Variants in ZPBP observed in about 807,000 individuals in gnomAD.
ZPBP encodes zona pellucida binding protein.
In ZPBP, 26 loss-of-function variants were observed where a neutral mutation model predicts 44.8. The observed-to-expected ratio is 0.58, with a 90% CI of 0.43 to 0.81. The LOEUF (loss-of-function observed/expected upper bound fraction) is 0.81. Ranked by LOEUF, ZPBP falls within the 30% of genes least tolerant of loss-of-function variation. The pLI, the probability that ZPBP is intolerant of heterozygous loss-of-function variation, is 0.00. For missense variants in ZPBP, 409 were observed against 434.0 expected, an observed-to-expected ratio of 0.94 and a Z score of 0.51; for synonymous variants, 174 against 153.2, an observed-to-expected ratio of 1.14 and a Z score of -1.00.
intron 3 of ZPBP, among the ~76,000 whole-genome samples, chr7:50,067,236 T>G (rs1344380847): frequency 2.0e-5 from 3 of 152,204 alleles, no homozygotes; most frequent in Non-Finnish European, 4.4e-5. Flanking sequence ...TGCTTTTTGG[T>G]GCCCCTTGCA....
chr7:49,860,268 C>G (rs1258266325), intron 2 of ZPBP, among the ~76,000 whole-genome samples: 1 of 152,196 alleles, frequency 6.6e-6, no homozygotes, highest in African/African-American at 2.4e-5. Flanking sequence ...CTGTCTACGT[C>G]AGGCTCATGG....
At chr7:49,984,434 A>C (rs763000832) in intron 6 of ZPBP, among the ~76,000 whole-genome samples, 1 of 152,226 alleles carries the variant, frequency 6.6e-6, no homozygotes, top group South Asian at 2.1e-4. Flanking sequence ...AGTGGTTCAT[A>C]ACCTTTTTGG....
chr7:50,057,854 T>C (rs762146133), intron 4 of ZPBP, 135 bp downstream of exon 4: 16 of 782,346 alleles, frequency 2.0e-5, no homozygotes, highest in Non-Finnish European at 3.2e-5. Context: ...AGTACTTACA[T>C]AGGGAGGCAG....
chr7:49,995,984 C>T (rs994232700), intron 6 of ZPBP, among the ~76,000 whole-genome samples: 7 of 152,228 alleles, frequency 4.6e-5, no homozygotes, highest in Admixed American at 2.6e-4. Flanking sequence ...TAGTTAACAA[C>T]AATGCATTTT....
chr7:49,854,348 A>G (rs1215450795), intron 2 of ZPBP, among the ~76,000 whole-genome samples: 1 of 152,128 alleles, frequency 6.6e-6, no homozygotes, highest in Non-Finnish European at 1.5e-5. Context: ...ACGTGTTCCT[A>G]TTTCCCCACA....
At chr7:49,885,821 C>T (rs1318106628) in intron 2 of ZPBP, among the ~76,000 whole-genome samples, 1 of 152,216 alleles carries the variant, frequency 6.6e-6, no homozygotes, top group African/African-American at 2.4e-5. Context: ...AGCCCTGGAG[C>T]TGAGAAGCAG....
intron 7 of ZPBP, among the ~76,000 whole-genome samples, chr7:49,960,569 C>G (rs1795826170): frequency 6.6e-6 from 1 of 151,780 alleles, no homozygotes; most frequent in African/African-American, 2.4e-5. Flanking sequence ...AAAATGCAGG[C>G]CACAATCTGA....
chr7:49,905,858 C>A (rs79530289), intron 1 of ZPBP, among the ~76,000 whole-genome samples: 30 of 148,502 alleles, frequency 2.0e-4, no homozygotes, highest in South Asian at 6.4e-4. Flanking sequence ...CCCACCAAAA[C>A]CAAGATGGCC....
chr7:50,005,361 C>T lies in ZPBP; in HGVS notation c.783+12879G>A, dbSNP rs530000689. Reference sequence around the variant, plus strand: ...CAAAAATATATAGAAAAATATAAAACCCTGCATTGTTGTAATTTTGGTTTG... The same window carrying T: ...CAAAAATATATAGAAAAATATAAAATCCTGCATTGTTGTAATTTTGGTTTG... On this transcript the variant is annotated intron_variant, in intron 6 of 7. Transcript: ENST00000046087. Among the ~76,000 whole-genome samples, 3 of 151,914 alleles carry T rather than the reference C, an allele frequency of 2.0e-5. No individual in the cohort carries two copies. The East Asian group carries it at 5.8e-4, about 29-fold the overall frequency.
chr7:49,979,951 AT>A (rs1796713168), intron 7 of ZPBP, among the ~76,000 whole-genome samples: 1 of 112,120 alleles, frequency 8.9e-6, no homozygotes, highest in African/African-American at 3.4e-5. Context: ...ATAAATATAT[AT>A]TAATATATTT....
chr7:49,995,574 C>G (rs1157831996), intron 6 of ZPBP, among the ~76,000 whole-genome samples: 1 of 152,246 alleles, frequency 6.6e-6, no homozygotes, highest in Non-Finnish European at 1.5e-5. Flanking sequence ...ATCACCACAT[C>G]TGCATCTTTT....
chr7:49,842,355 A>C, the ZPBP span, among the ~76,000 whole-genome samples: 3 of 152,240 alleles, frequency 2.0e-5, no homozygotes, highest in Non-Finnish European at 2.9e-5. Flanking sequence ...CTTACTTAAA[A>C]GTTACTAAAA....
At chr7:49,981,430 TATATATA>T (rs1796918648) in intron 7 of ZPBP, among the ~76,000 whole-genome samples, 1 of 48,578 alleles carries the variant, frequency 2.1e-5, no homozygotes, top group African/African-American at 1.1e-4. Flanking sequence ...TAATATAAAA[TATATATA>T]ATATATATTA....
chr7:50,018,005 G>C (rs1584052031), intron 6 of ZPBP, among the ~76,000 whole-genome samples: 3 of 152,088 alleles, frequency 2.0e-5, no homozygotes, highest in East Asian at 3.9e-4. Flanking sequence ...AAAACAAATA[G>C]AAAAACCATT....
chr7:50,068,073 A>AT (rs977670610), intron 3 of ZPBP, among the ~76,000 whole-genome samples: 12 of 151,684 alleles, frequency 7.9e-5, no homozygotes, highest in African/African-American at 2.4e-4. Flanking sequence ...GGCTTCTTTG[A>AT]TTTTTTTTTA....
At chr7:50,088,553 A>G (rs569193741) in intron 2 of ZPBP, among the ~76,000 whole-genome samples, 2 of 152,040 alleles carry the variant, frequency 1.3e-5, no homozygotes, top group Non-Finnish European at 2.9e-5. Context: ...AAAGAACTCT[A>G]TAATTCAACA....
At chr7:49,848,746 T>A (rs893564909), downstream of ZPBP, among the ~76,000 whole-genome samples, 2 of 152,262 alleles carry the variant, frequency 1.3e-5, no homozygotes, top group African/African-American at 2.4e-5. Context: ...TCTCACAGGT[T>A]AATAATATAA....
intron 1 of ZPBP, among the ~76,000 whole-genome samples, chr7:49,928,188 C>A (rs1380538718): frequency 1.3e-5 from 2 of 152,162 alleles, no homozygotes; most frequent in Admixed American, 6.5e-5. Context: ...AGAGGCTGAC[C>A]AATGCCCACA....
intron 2 of ZPBP, among the ~76,000 whole-genome samples, chr7:49,868,851 T>A (rs1791018541): frequency 2.0e-5 from 3 of 152,156 alleles, no homozygotes; most frequent in Admixed American, 2.0e-4. Flanking sequence ...ACTCCTAACC[T>A]CAAGTGATCC....
Sources: gnomAD v4.1 joint callset for allele counts (sites outside exome capture counted in the v4.1 genomes callset) on GRCh38, gnomAD v4.1.1 for gene constraint, MANE v1.5 for transcripts, NCBI Gene and HGNC (gene_info 2026-07-23, HGNC 2026-07-21) for gene names.